Variants in DAPK1 observed in about 807,000 individuals in gnomAD.
The protein encoded by DAPK1 is death associated protein kinase 1, also known as death-associated protein kinase 1.
In DAPK1, 56 loss-of-function variants were observed where a neutral mutation model predicts 144.9. That is an observed-to-expected ratio of 0.39 (90% CI 0.31 to 0.48). The LOEUF is 0.48. DAPK1 is among the 20% of genes least tolerant of loss of function. The pLI, the probability that DAPK1 is intolerant of heterozygous loss-of-function variation, is 0.95. For missense variants in DAPK1, 1,454 were observed against 1,875.4 expected, an observed-to-expected ratio of 0.78 and a Z score of 4.15; for synonymous variants, 690 against 749.0, an observed-to-expected ratio of 0.92 and a Z score of 1.29.
chr9:87,597,436 A>C (rs987706940), intron 2 of DAPK1, among the ~76,000 whole-genome samples: 1 of 152,210 alleles, frequency 6.6e-6, no homozygotes, highest in Non-Finnish European at 1.5e-5. Context: ...CTTAACATTT[A>C]GATTTCAAAG....
At chr9:87,551,046 G>A (rs1166831449) in intron 2 of DAPK1, among the ~76,000 whole-genome samples, 1 of 152,184 alleles carries the variant, frequency 6.6e-6, no homozygotes. Context: ...CCAGCAGCCG[G>A]GATGGCTCTT....
intron 20 of DAPK1, among the ~76,000 whole-genome samples, chr9:87,684,324 G>A (rs769380576): frequency 1.3e-5 from 2 of 151,462 alleles, no homozygotes; most frequent in African/African-American, 2.4e-5. Flanking sequence ...GGCACTGCTC[G>A]TGCCTGGCAG....
At chr9:87,646,288 A>G (rs1830263022) in intron 12 of DAPK1, among the ~76,000 whole-genome samples, 173 bp from the exon 13 acceptor site, 1 of 152,250 alleles carries the variant, frequency 6.6e-6, no homozygotes, top group African/African-American at 2.4e-5. Context: ...ATGAGAATCC[A>G]AAAGGGGAAG....
At chr9:87,521,320 A>G (rs1048481561) in intron 2 of DAPK1, among the ~76,000 whole-genome samples, 19 of 152,220 alleles carry the variant, frequency 1.2e-4, no homozygotes, top group African/African-American at 4.6e-4. Flanking sequence ...TCCATTGTCA[A>G]GGTCTGGAAA....
At chr9:87,528,485 T>A (rs1453527468) in intron 2 of DAPK1, among the ~76,000 whole-genome samples, 1 of 152,194 alleles carries the variant, frequency 6.6e-6, no homozygotes, top group Non-Finnish European at 1.5e-5. Flanking sequence ...CCCAAAGTGC[T>A]GGGATTACAG....
intron 2 of DAPK1, among the ~76,000 whole-genome samples, chr9:87,564,449 G>A (rs1404219194): frequency 2.6e-5 from 4 of 152,136 alleles, no homozygotes; most frequent in Admixed American, 6.5e-5. Flanking sequence ...CGTGAGAATG[G>A]GTAATTTATG....
chr9:87,567,773 C>T (rs1351319305), intron 2 of DAPK1, among the ~76,000 whole-genome samples: 7 of 152,110 alleles, frequency 4.6e-5, no homozygotes, highest in East Asian at 1.9e-4. Flanking sequence ...CCCACCCCAC[C>T]GGACCTCCCT....
chr9:87,540,220 C>T (rs1227047877), intron 2 of DAPK1, among the ~76,000 whole-genome samples: 2 of 112,076 alleles, frequency 1.8e-5, no homozygotes, highest in South Asian at 3.1e-4. Flanking sequence ...GACAGAGTCT[C>T]GTTCTGTCAT....
In DAPK1 at chr9:87,686,664, C is replaced by T. The variant is rs1436515943; in HGVS notation, c.2338C>T (p.Pro780Ser). The change falls in exon 21 of 26, where the codon CCG becomes TCG. Residue 780 changes from proline to serine, a missense_variant. Around this residue, in one of 2 missense-constraint regions of DAPK1, gnomAD observed 1,025 missense variants for 1,237.9 expected, o/e 0.83. Coordinates refer to ENST00000408954, the MANE Select transcript of DAPK1 (RefSeq NM_004938.4). This position sits in a 1 kb window ranked among gnomAD's most constrained non-coding sequence, Gnocchi z 4.2. ...TKGMLEVFVAPTHHPHCSADD... is the reference protein window; with the variant it reads ...TKGMLEVFVASTHHPHCSADD... The stretch of plus-strand genomic sequence containing the variant: ...AGGGATGCTGGAGGTGTTTGTGGCC[C>T]CGACCCACCACCCGCACTGCTCGGC... The T allele has an allele frequency of 6.2e-7, 1 of 1,612,986 alleles. No individual in the cohort carries two copies. The highest frequency in any genetic ancestry group is 2.2e-5 in the East Asian group (1 of 44,878).
chr9:87,598,141 A>C (rs1167240044), intron 2 of DAPK1, among the ~76,000 whole-genome samples: 1 of 152,188 alleles, frequency 6.6e-6, no homozygotes, highest in Non-Finnish European at 1.5e-5. Context: ...CTGTAATTCT[A>C]ATATTCTGGC....
At chr9:87,580,650 A>G (rs1160884854) in intron 2 of DAPK1, among the ~76,000 whole-genome samples, 1 of 152,204 alleles carries the variant, frequency 6.6e-6, no homozygotes, top group Non-Finnish European at 1.5e-5. Context: ...TACAGCTAGC[A>G]TAAGACCAAA....
At position 87,708,591 on chromosome 9, in the gene DAPK1, TG is replaced by T. The variant is rs1259797016; in HGVS notation, c.*1228del. ...TATAAAATGTCGTTAAAAAGTTGTTTGTTTTTTTCTTTTTTTATAAATAAAC... is the reference window on the plus strand; with the variant it reads ...TATAAAATGTCGTTAAAAAGTTGTTTTTTTTTTCTTTTTTTATAAATAAAC... On this transcript the variant is annotated 3_prime_UTR_variant, in exon 26 of 26. Transcript: ENST00000408954. The T allele has an allele frequency of 2.6e-5, 4 of 152,618 alleles. No homozygotes were observed. The highest frequency in any genetic ancestry group is 4.8e-5 in the African/African-American group (2 of 41,442). 9.5% of individuals were successfully genotyped at this position (152,618 alleles called of 1,614,324 possible).
intron 19 of DAPK1, among the ~76,000 whole-genome samples, chr9:87,672,747 G>A (rs1587832922): frequency 2.0e-5 from 3 of 152,202 alleles, no homozygotes; most frequent in South Asian, 2.1e-4. Flanking sequence ...CCCCATGCAA[G>A]TAACTGCTTG....
At chr9:87,562,353 A>G (rs892325318) in intron 2 of DAPK1, among the ~76,000 whole-genome samples, 4 of 152,182 alleles carry the variant, frequency 2.6e-5, no homozygotes, top group African/African-American at 9.7e-5. Flanking sequence ...TGAAGCCTCC[A>G]CTGTGTGGAA....
chr9:87,533,600 G>T (rs1005527863), intron 2 of DAPK1, among the ~76,000 whole-genome samples: 2 of 152,192 alleles, frequency 1.3e-5, no homozygotes, highest in African/African-American at 2.4e-5. Flanking sequence ...GACAGTCAAA[G>T]AAATTTTTTA....
intron 2 of DAPK1, among the ~76,000 whole-genome samples, chr9:87,566,953 G>A (rs535927343): frequency 9.2e-5 from 14 of 152,218 alleles, no homozygotes; most frequent in African/African-American, 2.4e-4. Context: ...CTATACATTC[G>A]GGTGCCTGGT....
intron 2 of DAPK1, among the ~76,000 whole-genome samples, chr9:87,546,860 A>C (rs1826269992): frequency 6.6e-6 from 1 of 151,050 alleles, no homozygotes; most frequent in Admixed American, 6.6e-5. Flanking sequence ...TAGCTTTATA[A>C]AGAAAAAAAA....
intron 3 of DAPK1, among the ~76,000 whole-genome samples, chr9:87,622,737 C>T (rs543207185): frequency 1.3e-3 from 193 of 152,028 alleles, no homozygotes; most frequent in Non-Finnish European, 2.1e-3. Flanking sequence ...ACGGTGAAAC[C>T]CTGTCTCCAC....
chr9:87,578,576 G>A (rs909987280), intron 2 of DAPK1, among the ~76,000 whole-genome samples: 1 of 152,174 alleles, frequency 6.6e-6, no homozygotes, highest in Non-Finnish European at 1.5e-5. Flanking sequence ...TTTCCAGAAG[G>A]GTTGTGTTGT....
Sources: allele counts gnomAD v4.1 joint callset (sites outside exome capture counted in the v4.1 genomes callset), GRCh38; gene constraint gnomAD v4.1.1; regional missense constraint gnomAD v4.1.1; non-coding constraint Gnocchi (gnomAD v3.1); transcripts MANE v1.5; gene names NCBI Gene and HGNC (gene_info 2026-07-23, HGNC 2026-07-21).